Variants in NEBL observed in about 807,000 individuals in gnomAD.
The protein encoded by NEBL is nebulette, also known as LIM and SH3 protein 2.
Under a neutral mutation model 140.2 loss-of-function variants are expected in NEBL, and 122 were observed. The ratio of observed to expected loss-of-function variants is 0.87; its 90% confidence interval spans 0.75 to 1.01. The LOEUF is 1.01. Among genes scored for constraint, NEBL ranks in the 50% least tolerant of loss-of-function variants. The probability of loss-of-function intolerance (pLI) is 0.00; values close to 1 mark genes in which losing one functional copy is unlikely to be tolerated. For missense variants in NEBL, 1,365 were observed against 1,231.3 expected (o/e 1.11, Z -1.62); for synonymous variants, 436 against 398.9 (o/e 1.09, Z -1.11).
intron 12 of NEBL, 29 bp downstream of exon 12, chr10:20,845,229 A>G (rs749614321): frequency 1.5e-6 from 2 of 1,350,952 alleles, no homozygotes; most frequent in African/African-American, 1.4e-5. Flanking sequence ...TTTCTTCATA[A>G]TATTTAATAA....
At chr10:20,914,089 A>C (rs1349683903) in intron 4 of NEBL, among the ~76,000 whole-genome samples, 1 of 152,222 alleles carries the variant, frequency 6.6e-6, no homozygotes, top group African/African-American at 2.4e-5. Context: ...CCCACAGCTC[A>C]TCAGACCAAA....
At chr10:20,806,808 T>G (rs772080931) in intron 26 of NEBL, among the ~76,000 whole-genome samples, 2 of 152,186 alleles carry the variant, frequency 1.3e-5, no homozygotes, top group Admixed American at 6.6e-5. Context: ...AGGATAGACA[T>G]GAAGTAAAGG....
chr10:21,162,235 G>A (rs1311301228), intron 2 of NEBL, among the ~76,000 whole-genome samples: 2 of 152,192 alleles, frequency 1.3e-5, no homozygotes, highest in Non-Finnish European at 2.9e-5. Context: ...CTCAAACTTT[G>A]CCCTAAGTGT....
At chr10:21,063,311 A>C (rs1019914741) in intron 2 of NEBL, among the ~76,000 whole-genome samples, 2 of 152,182 alleles carry the variant, frequency 1.3e-5, no homozygotes, top group African/African-American at 4.8e-5. Context: ...CATGATCACC[A>C]TCAAGGACAT....
intron 1 of NEBL, among the ~76,000 whole-genome samples, chr10:21,280,764 A>G (rs1214637803): frequency 6.6e-6 from 1 of 151,346 alleles, no homozygotes; most frequent in African/African-American, 2.4e-5. Context: ...ACAGGCACAC[A>G]CCATCGCGCA....
At chr10:21,093,259 G>C (rs106459) in intron 2 of NEBL, among the ~76,000 whole-genome samples, 131,344 of 151,460 alleles carry the variant, frequency 0.87, 57,161 homozygotes, top group Middle Eastern at 0.93. Flanking sequence ...AAGTATTTGG[G>C]AAAGACATGA....
intron 2 of NEBL, among the ~76,000 whole-genome samples, chr10:21,122,452 C>T (rs1838624757): frequency 6.6e-6 from 1 of 152,196 alleles, no homozygotes; most frequent in Admixed American, 6.5e-5. Context: ...CTTCTCTCCT[C>T]CATACTTGCT....
chr10:21,197,738 G>A (rs1161973787), intron 3 of NEBL, among the ~76,000 whole-genome samples: 2 of 152,144 alleles, frequency 1.3e-5, no homozygotes, highest in Non-Finnish European at 2.9e-5. Flanking sequence ...GAGCATTACA[G>A]AATGTTAAGT....
At chr10:20,806,788 T>C (rs369287849) in intron 26 of NEBL, among the ~76,000 whole-genome samples, 19 of 152,304 alleles carry the variant, frequency 1.2e-4, no homozygotes, top group African/African-American at 4.6e-4. Context: ...GAATGAATGA[T>C]GGACTGAGGA....
At chr10:20,980,926 G>A (rs753854971) in intron 3 of NEBL, among the ~76,000 whole-genome samples, 13 of 152,056 alleles carry the variant, frequency 8.5e-5, no homozygotes, top group African/African-American at 1.4e-4. Context: ...ACATTCCACC[G>A]AAGTCTCAGA....
intron 2 of NEBL, among the ~76,000 whole-genome samples, chr10:21,049,483 C>G (rs1329997113): frequency 1.3e-5 from 2 of 152,202 alleles, no homozygotes; most frequent in Non-Finnish European, 2.9e-5. Context: ...AGGGATGAGA[C>G]ACCACATCAC....
At chr10:21,150,282 C>T (rs1445503562) in intron 2 of NEBL, among the ~76,000 whole-genome samples, 1 of 152,184 alleles carries the variant, frequency 6.6e-6, no homozygotes, top group African/African-American at 2.4e-5. Context: ...CGGTTGGAAG[C>T]TTTCGCTTCT....
At chr10:21,119,460 G>T (rs1446929665) in intron 2 of NEBL, among the ~76,000 whole-genome samples, 1 of 147,856 alleles carries the variant, frequency 6.8e-6, no homozygotes, top group Non-Finnish European at 1.5e-5. Context: ...TTAATATACT[G>T]AATATAACAT....
chr10:21,088,829 CA>C (rs1836773237), intron 2 of NEBL, among the ~76,000 whole-genome samples: 2 of 152,340 alleles, frequency 1.3e-5, no homozygotes, highest in African/African-American at 4.8e-5. Flanking sequence ...AACCCTTCTA[CA>C]GAGTCAGAGA....
chr10:20,787,136 G>A, intron 27 of NEBL, 66 bp downstream of exon 27: 1 of 1,164,378 alleles, frequency 8.6e-7, no homozygotes, highest in Non-Finnish European at 1.3e-6. Flanking sequence ...TATTCCACAT[G>A]TATTTACATG....
At position 21,020,054 on chromosome 10, in the gene NEBL, G is replaced by C. The variant is rs1403123719; in HGVS notation, c.249+63C>G. The C allele has an allele frequency of 5.1e-6, 7 of 1,379,682 alleles. No individual in the cohort carries two copies. The East Asian group carries it at 6.9e-5, about 14-fold the overall frequency. The allele number at this position is 1,379,682 out of a possible 1,614,324, so 85.5% of individuals were successfully genotyped here. ...GAACAGTACGAAGACAAGAATCTCAGAAGAGCAGCCTTGTGAAAAATCTTT... is the reference window on the plus strand; with the variant it reads ...GAACAGTACGAAGACAAGAATCTCACAAGAGCAGCCTTGTGAAAAATCTTT... On this transcript the variant is annotated intron_variant, in intron 3 of 6. Transcript: ENST00000417816.
intron 5 of NEBL, among the ~76,000 whole-genome samples, chr10:20,870,440 G>A (rs1844811520): frequency 6.6e-6 from 1 of 151,660 alleles, no homozygotes; most frequent in African/African-American, 2.4e-5. Context: ...TTATGAGTAT[G>A]TCTTTGTATC....
At chr10:21,155,722 T>C (rs1390119960) in intron 2 of NEBL, among the ~76,000 whole-genome samples, 4 of 152,122 alleles carry the variant, frequency 2.6e-5, no homozygotes, top group Admixed American at 2.0e-4. Flanking sequence ...AAGAGTGAAA[T>C]AGGGAAAACA....
In NEBL at chr10:20,897,114, T is replaced by C. The variant is rs1353707175; in HGVS notation, c.81+11A>G. On this transcript the variant is annotated intron_variant, in intron 1 of 27. Coordinates refer to ENST00000377122, the MANE Select transcript of NEBL (RefSeq NM_006393.3). ...ACAAACGCTGGTCTGAGTATGTGTTTTCTCACTCACCTGGTCTTCTTCATT... is the reference window on the plus strand; with the variant it reads ...ACAAACGCTGGTCTGAGTATGTGTTCTCTCACTCACCTGGTCTTCTTCATT... 6.3e-7 allele frequency: 1 copy of C among 1,591,790 alleles called. No homozygotes were observed. Among genetic ancestry groups the C allele is most frequent in the Non-Finnish European group, 8.6e-7 (1 of 1,159,724 alleles).
Sources: gnomAD v4.1 joint callset for allele counts (sites outside exome capture counted in the v4.1 genomes callset) on GRCh38, gnomAD v4.1.1 for gene constraint, MANE v1.5 for transcripts, NCBI Gene and HGNC (gene_info 2026-07-23, HGNC 2026-07-21) for gene names.